STXBP5L: variants seen among roughly 807,000 people sequenced by gnomAD.
STXBP5L encodes the protein syntaxin binding protein 5L, also known as syntaxin-binding protein 5-like.
In STXBP5L, 65 loss-of-function variants were observed where a neutral mutation model predicts 144.5. That is an observed-to-expected ratio of 0.45 (90% CI 0.37 to 0.55). The LOEUF (loss-of-function observed/expected upper bound fraction) is 0.55, where lower values mean the gene tolerates loss of function less well. Ranked by LOEUF, STXBP5L falls within the 20% of genes least tolerant of loss-of-function variation. The pLI, the probability that STXBP5L is intolerant of heterozygous loss-of-function variation, is 0.00. For missense variants in STXBP5L, 1,298 were observed against 1,405.5 expected (o/e 0.92, Z 1.22); for synonymous variants, 505 against 469.6 (o/e 1.08, Z -0.97).
chr3:120,990,893 G>A lies in STXBP5L; in HGVS notation c.287+35856G>A, dbSNP rs1231784702. ...ATAAAAACCCTAGAAGAAAACCTAG[G>A]CAATACCATTCAGGTCATAGGCATG... On this transcript the variant is annotated intron_variant, in intron 3 of 26. Coordinates refer to ENST00000471454, the MANE Select transcript of STXBP5L (RefSeq NM_001308330.2). Among the ~76,000 whole-genome samples the A allele has an allele frequency of 2.6e-5, 4 of 152,092 alleles. No individual in the cohort carries two copies. The East Asian group carries it at 7.7e-4, about 29-fold the overall frequency.
At chr3:121,350,575 C>G (rs1330704054) in intron 20 of STXBP5L, among the ~76,000 whole-genome samples, 1 of 152,132 alleles carries the variant, frequency 6.6e-6, no homozygotes, top group Non-Finnish European at 1.5e-5. Flanking sequence ...GTTCCATTCT[C>G]CCCGTCACTT....
intron 22 of STXBP5L, among the ~76,000 whole-genome samples, chr3:121,397,861 C>T (rs2046770625): frequency 6.6e-6 from 1 of 152,210 alleles, no homozygotes; most frequent in Non-Finnish European, 1.5e-5. Flanking sequence ...TTACCAACTC[C>T]AACTATGTTA....
At chr3:121,246,588 T>C (rs1375906928) in intron 14 of STXBP5L, among the ~76,000 whole-genome samples, 1 of 152,184 alleles carries the variant, frequency 6.6e-6, no homozygotes, top group Non-Finnish European at 1.5e-5. Flanking sequence ...TTTTCAGCAA[T>C]AAAATTTAAA....
chr3:121,167,493 G>A (rs2046542270), intron 9 of STXBP5L, among the ~76,000 whole-genome samples: 2 of 152,280 alleles, frequency 1.3e-5, no homozygotes, highest in South Asian at 2.1e-4. Context: ...CTTTAGGGAA[G>A]TGGCGTCTGC....
intron 3 of STXBP5L, among the ~76,000 whole-genome samples, chr3:120,995,896 C>A (rs887132306): frequency 1.3e-5 from 2 of 152,060 alleles, no homozygotes; most frequent in Non-Finnish European, 2.9e-5. Context: ...CTTATCATTT[C>A]CTTTCTGCTG....
chr3:121,096,449 A>C (rs992309727), intron 5 of STXBP5L, among the ~76,000 whole-genome samples: 24 of 151,850 alleles, frequency 1.6e-4, no homozygotes, highest in Admixed American at 1.0e-3. Context: ...TGGTTTTTGG[A>C]ATTTTCAGCC....
At chr3:121,006,727 C>G (rs191329691) in intron 3 of STXBP5L, among the ~76,000 whole-genome samples, 3 of 152,224 alleles carry the variant, frequency 2.0e-5, no homozygotes, top group Admixed American at 6.5e-5. Flanking sequence ...CCTTCAGGAG[C>G]TCTTTTAGGG....
intron 19 of STXBP5L, among the ~76,000 whole-genome samples, chr3:121,311,994 G>A (rs1196196548): frequency 4.6e-5 from 7 of 152,082 alleles, no homozygotes; most frequent in Non-Finnish European, 7.4e-5. Context: ...CCAAAACAGA[G>A]ATATAGATCA....
At chr3:121,006,943 T>C (rs558687736) in intron 3 of STXBP5L, among the ~76,000 whole-genome samples, 1 of 152,340 alleles carries the variant, frequency 6.6e-6, no homozygotes, top group African/African-American at 2.4e-5. Flanking sequence ...GGGCTTCCCT[T>C]TGTGGGTAAC....
chr3:121,042,010 ATAATT>A (rs1322544229), intron 4 of STXBP5L, among the ~76,000 whole-genome samples: 4 of 152,164 alleles, frequency 2.6e-5, no homozygotes, highest in African/African-American at 9.6e-5. Context: ...ACTATATAGC[ATAATT>A]TAGTTTAATT....
chr3:121,262,131 G>A (rs2050402297), intron 18 of STXBP5L, among the ~76,000 whole-genome samples: 1 of 152,076 alleles, frequency 6.6e-6, no homozygotes, highest in African/African-American at 2.4e-5. Context: ...CCTTCCCAAG[G>A]CCCCAACTCT....
At chr3:121,078,597 G>A (rs1365102260) in intron 5 of STXBP5L, among the ~76,000 whole-genome samples, 1 of 152,254 alleles carries the variant, frequency 6.6e-6, no homozygotes, top group Non-Finnish European at 1.5e-5. Flanking sequence ...TGCTCTTTGG[G>A]GAGGCTTGGG....
intron 3 of STXBP5L, among the ~76,000 whole-genome samples, chr3:120,989,472 A>C (rs577535672): frequency 6.6e-6 from 1 of 152,046 alleles, no homozygotes; most frequent in African/African-American, 2.4e-5. Context: ...CCCACTCTTT[A>C]ATGGGTTTGC....
chr3:121,093,442 A>G (rs2042936193), intron 5 of STXBP5L, among the ~76,000 whole-genome samples: 1 of 152,152 alleles, frequency 6.6e-6, no homozygotes, highest in Non-Finnish European at 1.5e-5. Context: ...TATTGCCACA[A>G]TTTCAGCTCC....
chr3:120,927,128 G>T (rs1405318320), intron 2 of STXBP5L, among the ~76,000 whole-genome samples: 2 of 151,944 alleles, frequency 1.3e-5, no homozygotes, highest in East Asian at 1.9e-4. Context: ...GTAGAGAAAG[G>T]GTTTCACTGT....
intron 9 of STXBP5L, among the ~76,000 whole-genome samples, chr3:121,198,960 C>A (rs908722364): frequency 6.6e-6 from 1 of 152,098 alleles, no homozygotes; most frequent in Non-Finnish European, 1.5e-5. Context: ...AGTGTCTTAC[C>A]TATACGGGTT....
intron 9 of STXBP5L, among the ~76,000 whole-genome samples, chr3:121,187,320 A>G (rs764456462): frequency 6.8e-5 from 10 of 147,582 alleles, no homozygotes; most frequent in Non-Finnish European, 1.0e-4. Flanking sequence ...CAAACACTGC[A>G]TGTTCTCACT....
At chr3:121,174,715 C>T (rs2046864867) in intron 9 of STXBP5L, among the ~76,000 whole-genome samples, 1 of 152,082 alleles carries the variant, frequency 6.6e-6, no homozygotes, top group African/African-American at 2.4e-5. Context: ...GTCTTTGTAC[C>T]GTCTTTCAGC....
At chr3:121,323,305 G>A (rs1559975682) in intron 20 of STXBP5L, among the ~76,000 whole-genome samples, 1 of 152,048 alleles carries the variant, frequency 6.6e-6, no homozygotes, top group Non-Finnish European at 1.5e-5. Flanking sequence ...TTTTCTTCTA[G>A]GATTCTTATA....
Sources: allele counts gnomAD v4.1 joint callset (sites outside exome capture counted in the v4.1 genomes callset), GRCh38; gene constraint gnomAD v4.1.1; transcripts MANE v1.5; gene names NCBI Gene and HGNC (gene_info 2026-07-23, HGNC 2026-07-21).